PIPOX: variants seen among roughly 807,000 people sequenced by gnomAD.
PIPOX encodes pipecolic acid and sarcosine oxidase, also known as peroxisomal sarcosine oxidase.
Under a neutral mutation model 47.9 loss-of-function variants are expected in PIPOX, and 45 were observed. That is an observed-to-expected ratio of 0.94 (90% CI 0.74 to 1.20). The LOEUF is 1.20. Among genes scored for constraint, PIPOX ranks in the 50% most tolerant of loss-of-function variants. PIPOX has a pLI of 0.00. For synonymous variants in PIPOX, 165 were observed against 191.3 expected (o/e 0.86, Z 1.13); for missense variants, 458 against 498.4 (o/e 0.92, Z 0.77).
chr17:29,051,030 G>A (rs1306220924), intron 2 of PIPOX, among the ~76,000 whole-genome samples: 1 of 151,902 alleles, frequency 6.6e-6, no homozygotes, highest in African/African-American at 2.4e-5. Context: ...GCTGAGGCAG[G>A]AGAATTGCTT....
At chr17:29,051,921 GGTGGGCGGGTGA>G (rs2065807939) in intron 2 of PIPOX, 2 of 469,858 alleles carry the variant, frequency 4.3e-6, no homozygotes, top group African/African-American at 4.0e-5. Flanking sequence ...GTTGTCCCTG[GGTGGGCGGGTGA>G]GTGGGCGGTA....
chr17:29,050,708 G>A (rs534035041), intron 2 of PIPOX, among the ~76,000 whole-genome samples: 1 of 152,280 alleles, frequency 6.6e-6, no homozygotes, highest in South Asian at 2.1e-4. Flanking sequence ...GTGGTGGCAT[G>A]TGCCTGTAGC....
chr17:29,045,400 A>ATT (rs1313885186), intron 2 of PIPOX, among the ~76,000 whole-genome samples: 2 of 69,542 alleles, frequency 2.9e-5, no homozygotes, highest in African/African-American at 5.2e-5. Flanking sequence ...TTTCAGGAGG[A>ATT]TTCTTTTTTT....
chr17:29,054,457 AG>A, intron 4 of PIPOX, 87 bp from the exon 5 acceptor site: 1 of 1,447,058 alleles, frequency 6.9e-7, no homozygotes, highest in East Asian at 2.3e-5. Flanking sequence ...CTTGTGTTAG[AG>A]GGCCGCAGGG....
chr17:29,055,815 T>C lies in PIPOX; in HGVS notation c.969T>C (p.Asn323=). 1 of 1,613,464 alleles carries C rather than the reference T, an allele frequency of 6.2e-7. No individual in the cohort carries two copies. Among genetic ancestry groups the C allele is most frequent in the Non-Finnish European group, 8.5e-7 (1 of 1,179,380 alleles). ...PAVIESCMYT[N]TPDEQFILDR... ...AAGGTGTGACTGTTTCTTTCTAGAA[T>C]ACCCCTGATGAGCAGTTCATTCTCG... Residue 323 remains asparagine, a splice_region_variant and synonymous_variant, in exon 7 of 8, where the codon AAT becomes AAC. Coordinates refer to ENST00000323372, the MANE Select transcript of PIPOX (RefSeq NM_016518.3).
chr17:29,053,215 C>T, intron 3 of PIPOX, 82 bp downstream of exon 3: 1 of 1,392,460 alleles, frequency 7.2e-7, no homozygotes, highest in Middle Eastern at 2.5e-4. Context: ...CCAAGACCCC[C>T]CTCTGGATGA....
intron 2 of PIPOX, among the ~76,000 whole-genome samples, chr17:29,050,443 T>TTATA (rs767595169): frequency 0.018 from 2,789 of 152,284 alleles, 73 homozygotes; most frequent in African/African-American, 0.051. Flanking sequence ...CTTATAATCC[T>TTATA]AGCACTTTGG....
At position 29,054,552 on chromosome 17, in the gene PIPOX, G is replaced by A. The variant is rs148769462; in HGVS notation, c.668G>A (p.Arg223Gln). The A allele has an allele frequency of 3.4e-4, 545 of 1,614,150 alleles. 1 individual carries two copies. Among genetic ancestry groups the A allele is most frequent in the Non-Finnish European group, 2.2e-4 (258 of 1,180,018 alleles). Reference protein sequence around the residue: ...LGIEMPLQTLRINVCYWREMV... With the variant: ...LGIEMPLQTLQINVCYWREMV... ...TCCTCTCCCTGCCTCAAGACCCTGC[G>A]GATCAACGTGTGTTACTGGCGAGAG... Residue 223 changes from arginine (R) to glutamine (Q), a missense_variant, in exon 5 of 8, where the codon CGG (arginine) becomes CAG (glutamine). By Grantham distance (43) the Arg-to-Gln change is conservative. Coordinates refer to ENST00000323372, the MANE Select transcript of PIPOX (RefSeq NM_016518.3).
chr17:29,055,252 C>T (rs2065823330), intron 6 of PIPOX, 31 bp downstream of exon 6: 1 of 1,613,416 alleles, frequency 6.2e-7, no homozygotes, highest in South Asian at 1.1e-5. Context: ...TGCTGGGCCC[C>T]CTCACCACTC....
Position 29,053,184 on chromosome 17 carries a change from C to T in PIPOX, c.477+51C>T, listed in dbSNP as rs189286583. 44 of 1,548,428 alleles carry T rather than the reference C, an allele frequency of 2.8e-5. No homozygotes were observed. The African/African-American group carries it at 5.3e-4, about 19-fold the overall frequency. On this transcript the variant is annotated intron_variant, in intron 3 of 7. Coordinates refer to ENST00000323372, the MANE Select transcript of PIPOX (RefSeq NM_016518.3). ...TGCAGGTGCTCCCTGCTCTGGGTGT[C>T]CTGGGTCCCAAGCAGCCAGCCCAAG...
chr17:29,053,203 GC>G (rs749629634), intron 3 of PIPOX, 70 bp downstream of exon 3: 2 of 1,455,142 alleles, frequency 1.4e-6, no homozygotes, highest in Non-Finnish European at 1.9e-6. Flanking sequence ...CAAGCAGCCA[GC>G]CCAAGACCCC....
At chr17:29,052,232 G>A (rs2065809118) in intron 2 of PIPOX, among the ~76,000 whole-genome samples, 1 of 152,198 alleles carries the variant, frequency 6.6e-6, no homozygotes, top group Non-Finnish European at 1.5e-5. Context: ...ATAGTGAATG[G>A]GATCAGGGGA....
intron 1 of PIPOX, among the ~76,000 whole-genome samples, chr17:29,044,011 C>T (rs551189061): frequency 2.6e-5 from 4 of 152,268 alleles, no homozygotes; most frequent in African/African-American, 9.6e-5. Flanking sequence ...GTGGACTCTC[C>T]CTTTCCATTC....
chr17:29,046,739 C>A (rs1002437689), intron 2 of PIPOX: 24 of 985,246 alleles, frequency 2.4e-5, no homozygotes, highest in Non-Finnish European at 2.8e-5. Flanking sequence ...CAATCCTCCT[C>A]TTTGCCAGGA....
At chr17:29,045,135 A>G in intron 2 of PIPOX, 128 bp downstream of exon 2, 1 of 1,046,884 alleles carries the variant, frequency 9.6e-7, no homozygotes, top group Non-Finnish European at 1.4e-6. Context: ...AAGAAGTACC[A>G]GATGCATGGA....
rs2065829237 is a variant in PIPOX, at chr17:29,056,525, A to T, written c.*220A>T. On this transcript the variant is annotated 3_prime_UTR_variant, in exon 8 of 8. Transcript: ENST00000323372. ...CCGTAAACACCAGACGATTGAGTCTACCTTCTTTTCTTGGCCACCTCCCCA... is the reference window on the plus strand; with the variant it reads ...CCGTAAACACCAGACGATTGAGTCTTCCTTCTTTTCTTGGCCACCTCCCCA... The T allele has an allele frequency of 3.4e-6, 2 of 585,576 alleles. No homozygotes were observed. Among genetic ancestry groups the T allele is most frequent in the Admixed American group, 6.2e-5 (2 of 32,210 alleles). The allele number at this position is 585,576 out of a possible 1,614,324, so 36.3% of individuals were successfully genotyped here.
At chr17:29,050,446 C>CTTATAATCTTAT (rs201801556) in intron 2 of PIPOX, among the ~76,000 whole-genome samples, 2 of 152,168 alleles carry the variant, frequency 1.3e-5, no homozygotes, top group African/African-American at 4.8e-5. Context: ...ATAATCCTAG[C>CTTATAATCTTAT]ACTTTGGGAG....
chr17:29,052,346 G>A (rs1041788906), intron 2 of PIPOX, among the ~76,000 whole-genome samples: 3 of 152,222 alleles, frequency 2.0e-5, no homozygotes, highest in Non-Finnish European at 2.9e-5. Context: ...AGGGCAGGAT[G>A]GGTCCTGAGA....
chr17:29,045,375 AGAG>A (rs946928315), intron 2 of PIPOX, among the ~76,000 whole-genome samples: 29 of 136,974 alleles, frequency 2.1e-4, no homozygotes, highest in African/African-American at 7.7e-4. Context: ...GGGTTGAGAT[AGAG>A]GAGGAGGCTG....
Sources: gnomAD v4.1 joint callset for allele counts (sites outside exome capture counted in the v4.1 genomes callset) on GRCh38, gnomAD v4.1.1 for gene constraint, MANE v1.5 for transcripts, NCBI Gene and HGNC (gene_info 2026-07-23, HGNC 2026-07-21) for gene names.